Variants in ROBO2 observed in about 807,000 individuals in gnomAD.
The protein encoded by ROBO2 is roundabout guidance receptor 2, also known as roundabout homolog 2.
ROBO2 carries 53 observed loss-of-function variants against 160.8 expected under a neutral mutation model. The ratio of observed to expected loss-of-function variants is 0.33; its 90% confidence interval spans 0.26 to 0.41. ROBO2 has a LOEUF of 0.41. Among genes scored for constraint, ROBO2 ranks in the 10% least tolerant of loss-of-function variants. The probability of loss-of-function intolerance (pLI) is 1.00; values close to 1 mark genes in which losing one functional copy is unlikely to be tolerated. For missense variants in ROBO2, 1,577 were observed against 1,722.4 expected (o/e 0.92, Z 1.49); for synonymous variants, 664 against 611.7 (o/e 1.09, Z -1.26).
chr3:76,354,871 C>T (rs909318487), intron 2 of ROBO2, among the ~76,000 whole-genome samples: 1 of 151,804 alleles, frequency 6.6e-6, no homozygotes, highest in Non-Finnish European at 1.5e-5. Context: ...TTGTAAATTA[C>T]TAAACTAAGA....
chr3:77,139,761 T>G (rs1475725333), intron 2 of ROBO2, among the ~76,000 whole-genome samples: 1 of 152,196 alleles, frequency 6.6e-6, no homozygotes, highest in South Asian at 2.1e-4. Context: ...TCATCCCCAC[T>G]TTCTCTGAAG....
At chr3:76,517,298 A>G (rs1211470657) in intron 2 of ROBO2, among the ~76,000 whole-genome samples, 3 of 152,226 alleles carry the variant, frequency 2.0e-5, no homozygotes, top group Non-Finnish European at 4.4e-5. Flanking sequence ...AAAGGGAGGA[A>G]AAAAGATTAA....
At chr3:77,482,605 T>C (rs1327884769) in intron 4 of ROBO2, among the ~76,000 whole-genome samples, 1 of 152,102 alleles carries the variant, frequency 6.6e-6, no homozygotes, top group Non-Finnish European at 1.5e-5. Context: ...AAAAATAGAA[T>C]TGTTCAAAGT....
At chr3:76,044,951 T>A (rs2067402618) in intron 2 of ROBO2, among the ~76,000 whole-genome samples, 1 of 152,044 alleles carries the variant, frequency 6.6e-6, no homozygotes, top group Non-Finnish European at 1.5e-5. Context: ...ATTCCTAAGC[T>A]GTTTGAAAAA....
intron 2 of ROBO2, among the ~76,000 whole-genome samples, chr3:77,195,149 C>T (rs991852234): frequency 4.6e-5 from 7 of 152,216 alleles, no homozygotes; most frequent in African/African-American, 1.2e-4. Context: ...GTAAATAGGA[C>T]GCTATACAGA....
Position 76,922,566 on chromosome 3 carries a change from G to A in ROBO2, c.110-175448G>A, listed in dbSNP as rs150553392. On this transcript the variant is annotated intron_variant, in intron 2 of 26. Coordinates refer to the ROBO2 transcript ENST00000487694. ...GAGGCCTAATTTTCAAATGGGAGCC[G>A]CCTTATTTCTGGAGGAAGAACAGTG... Among the ~76,000 whole-genome samples the A allele has an allele frequency of 5.9e-5, 9 of 152,160 alleles. No homozygotes were observed. In the East Asian group the frequency reaches 1.5e-3, roughly 26 times the overall value.
intron 2 of ROBO2, among the ~76,000 whole-genome samples, chr3:76,226,087 A>AT (rs1704265720): frequency 1.3e-5 from 2 of 152,332 alleles, no homozygotes; most frequent in Admixed American, 1.3e-4. Flanking sequence ...TTGAAAATAA[A>AT]TTCAGCAAAC....
At chr3:76,932,335 G>A (rs1273620459) in intron 2 of ROBO2, among the ~76,000 whole-genome samples, 3 of 151,896 alleles carry the variant, frequency 2.0e-5, no homozygotes, top group African/African-American at 4.8e-5. Flanking sequence ...TCCATACCAT[G>A]AGAAAATCAT....
At chr3:76,782,872 T>A (rs2062738155) in intron 2 of ROBO2, among the ~76,000 whole-genome samples, 1 of 150,916 alleles carries the variant, frequency 6.6e-6, no homozygotes, top group South Asian at 2.1e-4. Context: ...TAGTAATTAG[T>A]TATTATTGAT....
chr3:76,151,280 C>G (rs1391736372), intron 2 of ROBO2, among the ~76,000 whole-genome samples: 1 of 152,128 alleles, frequency 6.6e-6, no homozygotes, highest in East Asian at 1.9e-4. Flanking sequence ...CTTTATCTCT[C>G]TCTCTTTCCC....
chr3:77,552,004 C>T (rs1199561751), intron 8 of ROBO2, among the ~76,000 whole-genome samples: 2 of 151,892 alleles, frequency 1.3e-5, no homozygotes, highest in Non-Finnish European at 2.9e-5. Context: ...AATGGCTGCA[C>T]CTGCTGATGC....
intron 1 of ROBO2, among the ~76,000 whole-genome samples, chr3:75,916,106 A>G (rs1481518847): frequency 6.6e-6 from 1 of 152,174 alleles, no homozygotes; most frequent in Non-Finnish European, 1.5e-5. Context: ...ATTAATCACC[A>G]CTAAAGCGGT....
intron 2 of ROBO2, chr3:75,937,751 C>A (rs1042760733): frequency 1.2e-4 from 48 of 385,956 alleles, no homozygotes; most frequent in Middle Eastern, 3.3e-4. Flanking sequence ...GCCTCTGCAC[C>A]AGTTAAATTG....
intron 2 of ROBO2, among the ~76,000 whole-genome samples, chr3:76,482,805 G>C (rs1284000471): frequency 6.6e-6 from 1 of 152,024 alleles, no homozygotes; most frequent in Admixed American, 6.6e-5. Flanking sequence ...GTAGTGCCTT[G>C]GGTATTATGG....
At chr3:76,654,976 A>G (rs1263308998) in intron 2 of ROBO2, among the ~76,000 whole-genome samples, 2 of 149,746 alleles carry the variant, frequency 1.3e-5, no homozygotes, top group African/African-American at 4.9e-5. Flanking sequence ...AATCAAAAGT[A>G]AAGATACCTT....
intron 2 of ROBO2, among the ~76,000 whole-genome samples, chr3:76,135,139 G>A (rs1324623642): frequency 6.6e-6 from 1 of 151,990 alleles, no homozygotes; most frequent in African/African-American, 2.4e-5. Context: ...GCAAGATTCT[G>A]GGATACACTT....
chr3:76,285,262 T>C (rs1486599044), intron 2 of ROBO2, among the ~76,000 whole-genome samples: 1 of 152,172 alleles, frequency 6.6e-6, no homozygotes, highest in Admixed American at 6.6e-5. Flanking sequence ...CACCTTCATT[T>C]GATTATTCAG....
At chr3:77,035,481 CT>C (rs11353808), upstream of ROBO2, among the ~76,000 whole-genome samples, 19,244 of 151,726 alleles carry the variant, frequency 0.13, 1,309 homozygotes, top group East Asian at 0.16. Context: ...GAAAGATTTT[CT>C]TTCTTGAAAA....
chr3:76,006,520 A>G (rs2066024758), intron 2 of ROBO2, among the ~76,000 whole-genome samples: 2 of 152,144 alleles, frequency 1.3e-5, no homozygotes, highest in African/African-American at 2.4e-5. Context: ...CTATTTACCT[A>G]TCCTTCTTTT....
Sources: gnomAD v4.1 joint callset for allele counts (sites outside exome capture counted in the v4.1 genomes callset) on GRCh38, gnomAD v4.1.1 for gene constraint, MANE v1.5 for transcripts, NCBI Gene and HGNC (gene_info 2026-07-23, HGNC 2026-07-21) for gene names.